Variants in PDE4D observed in about 807,000 individuals in gnomAD.
The protein encoded by PDE4D is phosphodiesterase 4D.
PDE4D carries 24 observed loss-of-function variants against 87.4 expected under a neutral mutation model. The observed-to-expected ratio is 0.27, with a 90% CI of 0.20 to 0.39. The LOEUF is 0.39. PDE4D is among the 10% of genes least tolerant of loss of function. The pLI is 1.00. For synonymous variants in PDE4D, 384 were observed against 383.2 expected (o/e 1.00, Z -0.02); for missense variants, 714 against 1,041.0 (o/e 0.69, Z 4.32).
chr5:59,541,526 C>G (rs1816346027), intron 1 of PDE4D, among the ~76,000 whole-genome samples: 2 of 152,142 alleles, frequency 1.3e-5, no homozygotes, highest in Non-Finnish European at 2.9e-5. Flanking sequence ...AACATTTTTG[C>G]TTAAGTTGTC....
intron 1 of PDE4D, among the ~76,000 whole-genome samples, chr5:59,854,328 C>T (rs1192154746): frequency 1.3e-5 from 2 of 151,984 alleles, no homozygotes; most frequent in Admixed American, 1.3e-4. Flanking sequence ...TATTGAAAAT[C>T]ATTACATTTA....
chr5:59,525,457 T>A (rs1016055876), intron 1 of PDE4D, among the ~76,000 whole-genome samples: 17 of 152,340 alleles, frequency 1.1e-4, no homozygotes, highest in African/African-American at 3.8e-4. Flanking sequence ...AGTAATTAAC[T>A]TGCTTTTGCT....
chr5:59,180,677 T>C, intron 4 of PDE4D, 33 bp from the exon 5 acceptor site: 2 of 1,583,584 alleles, frequency 1.3e-6, no homozygotes, highest in Admixed American at 1.7e-5. Flanking sequence ...AAGCAGTAAA[T>C]ATGTGGGGCT....
At chr5:59,391,423 T>C (rs1332394959) in intron 1 of PDE4D, among the ~76,000 whole-genome samples, 5 of 152,152 alleles carry the variant, frequency 3.3e-5, no homozygotes, top group Non-Finnish European at 7.4e-5. Context: ...AACCCACATT[T>C]AGATCAAATT....
intron 2 of PDE4D, among the ~76,000 whole-genome samples, chr5:60,114,691 G>A (rs956719046): frequency 6.6e-6 from 1 of 152,026 alleles, no homozygotes; most frequent in African/African-American, 2.4e-5. Flanking sequence ...ATCTCACCAG[G>A]CTGCAAAGGA....
chr5:59,858,278 G>T (rs147378602), intron 1 of PDE4D, among the ~76,000 whole-genome samples: 1 of 152,046 alleles, frequency 6.6e-6, no homozygotes, highest in East Asian at 1.9e-4. Context: ...CTCAACTATG[G>T]TGATTATTTG....
Position 58,971,344 on chromosome 5 carries a change from GTA to G in PDE4D, c.*3318_*3319del, listed in dbSNP as rs1742566617. 6.6e-6 allele frequency: 1 copy of G among 152,550 alleles called. No homozygotes were observed. The highest frequency in any genetic ancestry group is 1.9e-4 in the East Asian group (1 of 5,190). The allele number at this position is 152,550 out of a possible 1,614,324, so 9.4% of individuals were successfully genotyped here. On this transcript the variant is annotated 3_prime_UTR_variant, in exon 15 of 15. Transcript: ENST00000340635. ...GAGAAAAGAAAAATGTACAGAGTAT[GTA>G]TACACACCATTCATTCTCTCACCAA...
intron 1 of PDE4D, among the ~76,000 whole-genome samples, chr5:59,877,673 C>G (rs969725347): frequency 4.0e-5 from 6 of 151,766 alleles, no homozygotes; most frequent in African/African-American, 1.5e-4. Flanking sequence ...CAAAAATTAG[C>G]TGGGCATTGG....
At chr5:59,498,860 T>C (rs377569034) in intron 1 of PDE4D, among the ~76,000 whole-genome samples, 2 of 152,104 alleles carry the variant, frequency 1.3e-5, no homozygotes, top group African/African-American at 2.4e-5. Flanking sequence ...GTGAAAGCAA[T>C]AGACAGGCAA....
intron 1 of PDE4D, among the ~76,000 whole-genome samples, chr5:59,589,753 C>A (rs36081664): frequency 2.0e-5 from 3 of 151,914 alleles, no homozygotes; most frequent in Non-Finnish European, 4.4e-5. Flanking sequence ...TTTCCATTTG[C>A]GGGCAATGAT....
intron 3 of PDE4D, among the ~76,000 whole-genome samples, chr5:59,915,374 T>A (rs1168616008): frequency 2.6e-5 from 4 of 152,116 alleles, no homozygotes; most frequent in Non-Finnish European, 5.9e-5. Context: ...AGGAAAGAGA[T>A]GGTGCAATCA....
chr5:59,071,439 T>C (rs1168760585), intron 5 of PDE4D, among the ~76,000 whole-genome samples: 1 of 151,928 alleles, frequency 6.6e-6, no homozygotes, highest in Non-Finnish European at 1.5e-5. Flanking sequence ...TTTGCTCCAT[T>C]TCCATAGAGA....
rs187498192 is a variant in PDE4D at position 60,263,409 on chromosome 5, C to T, written c.-89-77722G>A. On this transcript the variant is annotated intron_variant, in intron 1 of 16. Coordinates refer to the PDE4D transcript ENST00000502484. ...CATTGCCCGTCTAGCGGCTGGGTGACGCCACAAGGAGCAGAGAAGAAATCT... is the reference window on the plus strand; with the variant it reads ...CATTGCCCGTCTAGCGGCTGGGTGATGCCACAAGGAGCAGAGAAGAAATCT... Among the ~76,000 whole-genome samples, 210 of 152,230 alleles carry T rather than the reference C, an allele frequency of 1.4e-3. 2 individuals are homozygous for T. The highest frequency in any genetic ancestry group is 6.0e-4 in the African/African-American group (25 of 41,534).
chr5:59,047,846 A>G (rs2153401425), intron 5 of PDE4D, among the ~76,000 whole-genome samples: 1 of 152,346 alleles, frequency 6.6e-6, no homozygotes, highest in African/African-American at 2.4e-5. Flanking sequence ...AGAAGAGGCC[A>G]GAGGTTGCTC....
At chr5:60,476,634 ACCCTTCTTTCCATTGG>A (rs941875209) in intron 1 of PDE4D, among the ~76,000 whole-genome samples, 1 of 151,714 alleles carries the variant, frequency 6.6e-6, no homozygotes, top group Non-Finnish European at 1.5e-5. Flanking sequence ...CTCATTTCCT[ACCCTTCTTTCCATTGG>A]AAGTACAGCT....
At chr5:59,831,325 T>TAAAA (rs1741174064) in intron 1 of PDE4D, among the ~76,000 whole-genome samples, 2 of 19,898 alleles carry the variant, frequency 1.0e-4, no homozygotes, top group African/African-American at 8.4e-4. Context: ...TAAATTATTC[T>TAAAA]CAAAAAAAAA....
intron 2 of PDE4D, among the ~76,000 whole-genome samples, chr5:60,051,590 G>A (rs773803707): frequency 3.9e-5 from 6 of 152,146 alleles, no homozygotes; most frequent in Non-Finnish European, 7.3e-5. Context: ...AAGCAGGAAT[G>A]ATCTAAAATC....
intron 1 of PDE4D, among the ~76,000 whole-genome samples, chr5:60,266,939 G>A (rs1043581589): frequency 6.6e-6 from 1 of 152,186 alleles, no homozygotes; most frequent in Non-Finnish European, 1.5e-5. Flanking sequence ...GAAGAAAAGT[G>A]CACGTGTATT....
intron 1 of PDE4D, among the ~76,000 whole-genome samples, chr5:59,478,383 T>C (rs908159500): frequency 3.9e-5 from 6 of 152,064 alleles, no homozygotes. Context: ...TTCAGATAGA[T>C]TGTAAACATC....
Sources: allele counts gnomAD v4.1 joint callset (sites outside exome capture counted in the v4.1 genomes callset), GRCh38; gene constraint gnomAD v4.1.1; transcripts MANE v1.5; gene names NCBI Gene and HGNC (gene_info 2026-07-23, HGNC 2026-07-21).